DNAH3: variants seen among roughly 807,000 people sequenced by gnomAD.
DNAH3 encodes axonemal beta dynein heavy chain 3.
Under a neutral mutation model 432.5 loss-of-function variants are expected in DNAH3, and 332 were observed. The ratio of observed to expected loss-of-function variants is 0.77; its 90% CI spans 0.70 to 0.84. The LOEUF is 0.84. DNAH3 is among the 40% of genes least tolerant of loss of function. The pLI is 0.00. For synonymous variants in DNAH3, 1,956 were observed against 1,900.2 expected, an observed-to-expected ratio of 1.03 and a Z score of -0.76; for missense variants, 4,861 against 5,114.0, an observed-to-expected ratio of 0.95 and a Z score of 1.51.
chr16:21,146,217 C>G (rs1440319890), intron 1 of DNAH3, 129 bp from the exon 3 acceptor site: 3 of 617,792 alleles, frequency 4.9e-6, no homozygotes, highest in Non-Finnish European at 8.8e-6. Context: ...AAACAAAACA[C>G]TCCTCTCATT....
At chr16:21,003,073 A>C in intron 42 of DNAH3, 31 bp downstream of exon 42, 2 of 1,436,806 alleles carry the variant, frequency 1.4e-6, no homozygotes, top group Non-Finnish European at 2.0e-6. Flanking sequence ...TCTGGAAACC[A>C]AAGTTCCATG....
chr16:21,108,090 T>C (rs113608703), intron 14 of DNAH3, among the ~76,000 whole-genome samples: 3,504 of 152,202 alleles, frequency 0.023, 134 homozygotes, highest in African/African-American at 0.079. Flanking sequence ...ACCAGGCTGG[T>C]CTTGAACTCC....
chr16:21,087,355 G>A (rs2091411610), intron 18 of DNAH3, among the ~76,000 whole-genome samples: 1 of 152,152 alleles, frequency 6.6e-6, no homozygotes, highest in Non-Finnish European at 1.5e-5. Flanking sequence ...GGCATATAAT[G>A]GATGTACAAT....
At chr16:20,950,774 A>G (rs1305694705) in intron 56 of DNAH3, among the ~76,000 whole-genome samples, 3 of 152,108 alleles carry the variant, frequency 2.0e-5, no homozygotes, top group South Asian at 2.1e-4. Flanking sequence ...TGTCTCTGGG[A>G]CTATACGGCA....
intron 58 of DNAH3, among the ~76,000 whole-genome samples, chr16:20,944,201 G>GC (rs751446172): frequency 3.3e-3 from 15 of 4,496 alleles, no homozygotes; most frequent in East Asian, 0.05. Flanking sequence ...AAAAGCAAAA[G>GC]AAAAAAAAAA....
At chr16:21,129,910 T>G (rs907869164) in intron 7 of DNAH3, 2 of 152,064 alleles carry the variant, frequency 1.3e-5, no homozygotes, top group Non-Finnish European at 2.9e-5. Context: ...TTTCTTTTCA[T>G]AGTACCCATC....
At chr16:20,955,023 G>A in exon 55 of DNAH3, 1 of 1,612,670 alleles carries the variant, frequency 6.2e-7, no homozygotes, top group Non-Finnish European at 8.5e-7. Context: ...ATGCTGACTG[G>A]AAACTTCTCT....
intron 14 of DNAH3, among the ~76,000 whole-genome samples, chr16:21,109,190 G>T (rs2092015191): frequency 6.6e-6 from 1 of 151,774 alleles, no homozygotes; most frequent in Non-Finnish European, 1.5e-5. Context: ...AAGAGACAAG[G>T]CCAGCTATTC....
At chr16:21,140,817 C>T (rs570474811) in intron 4 of DNAH3, 107 bp from the exon 6 acceptor site, 4 of 970,980 alleles carry the variant, frequency 4.1e-6, no homozygotes, top group East Asian at 5.0e-5. Context: ...AAATAGAAGC[C>T]TCTCTCCTCT....
intron 35 of DNAH3, among the ~76,000 whole-genome samples, chr16:21,036,286 A>G (rs1176373090): frequency 1.3e-5 from 2 of 152,230 alleles, no homozygotes; most frequent in African/African-American, 4.8e-5. Flanking sequence ...AGATTGCACC[A>G]CTGCACTCCA....
chr16:21,141,425 T>TG, intron 3 of DNAH3, 53 bp from the exon 5 acceptor site: 4 of 1,347,284 alleles, frequency 3.0e-6, no homozygotes, highest in Non-Finnish European at 4.2e-6. Context: ...CTTGGGCCAT[T>TG]CTCCGTCCAC....
chr16:20,948,436 C>G, intron 57 of DNAH3, 47 bp downstream of exon 57: 2 of 1,586,918 alleles, frequency 1.3e-6, no homozygotes, highest in Non-Finnish European at 1.7e-6. Context: ...ATAGAGATGA[C>G]GGAGCCCTGT....
intron 16 of DNAH3, among the ~76,000 whole-genome samples, chr16:21,102,680 T>A (rs1165842891): frequency 6.6e-6 from 1 of 152,096 alleles, no homozygotes; most frequent in Non-Finnish European, 1.5e-5. Flanking sequence ...ATAACAAACC[T>A]GCACATGTAC....
At chr16:20,981,735 G>GATAA (rs907707159) in intron 49 of DNAH3, among the ~76,000 whole-genome samples, 12 of 151,448 alleles carry the variant, frequency 7.9e-5, no homozygotes, top group African/African-American at 2.4e-4. Flanking sequence ...AAAATAAATA[G>GATAA]ATAAATAAAT....
chr16:21,050,663 C>T (rs543849587), intron 29 of DNAH3, among the ~76,000 whole-genome samples: 69 of 152,276 alleles, frequency 4.5e-4, no homozygotes, highest in African/African-American at 1.6e-3. Context: ...GGGTTGGTCT[C>T]AAACTTCTGG....
At chr16:21,042,898 A>T (rs2089511722) in intron 31 of DNAH3, among the ~76,000 whole-genome samples, 2 of 151,860 alleles carry the variant, frequency 1.3e-5, no homozygotes, top group African/African-American at 4.8e-5. Context: ...TTCAGTTCCC[A>T]CCTATGAGTG....
At chr16:21,017,701 C>T (rs2087929394) in intron 41 of DNAH3, among the ~76,000 whole-genome samples, 1 of 152,192 alleles carries the variant, frequency 6.6e-6, no homozygotes, top group Admixed American at 6.5e-5. Context: ...TCTAAATTAA[C>T]TGAGACCTGT....
At chr16:20,994,785 G>C (rs2086693028) in intron 44 of DNAH3, among the ~76,000 whole-genome samples, 1 of 151,904 alleles carries the variant, frequency 6.6e-6, no homozygotes, top group African/African-American at 2.4e-5. Flanking sequence ...TTAATGATAT[G>C]GTTTATTTCA....
chr16:20,977,889 C>T (rs2085668964), intron 50 of DNAH3, among the ~76,000 whole-genome samples: 1 of 152,208 alleles, frequency 6.6e-6, no homozygotes, highest in South Asian at 2.1e-4. Flanking sequence ...ACAGACTTCA[C>T]TTTCAACATC....
Sources: gnomAD v4.1 joint callset for allele counts (sites outside exome capture counted in the v4.1 genomes callset) on GRCh38, gnomAD v4.1.1 for gene constraint, MANE v1.5 for transcripts, NCBI Gene and HGNC (gene_info 2026-07-23, HGNC 2026-07-21) for gene names.